Variants in RBMS3 observed in about 807,000 individuals in gnomAD.
The protein encoded by RBMS3 is RNA-binding motif, single-stranded-interacting protein 3.
Under a neutral mutation model 66.8 loss-of-function variants are expected in RBMS3, and 27 were observed. That is an observed-to-expected ratio of 0.40 (90% CI 0.30 to 0.56). The LOEUF is 0.56. Ranked by LOEUF, RBMS3 falls within the 20% of genes least tolerant of loss-of-function variation. The pLI is 0.40. For missense variants in RBMS3, 513 were observed against 549.5 expected (o/e 0.93, Z 0.66); for synonymous variants, 188 against 183.0 (o/e 1.03, Z -0.22).
At chr3:29,442,355 T>C (rs534270529) in intron 2 of RBMS3, among the ~76,000 whole-genome samples, 121 of 152,290 alleles carry the variant, frequency 7.9e-4, no homozygotes, top group African/African-American at 2.7e-3. Context: ...TTTTATTACT[T>C]TGAAGAATTT....
intron 7 of RBMS3, among the ~76,000 whole-genome samples, chr3:29,870,902 T>G (rs1239757927): frequency 6.6e-6 from 1 of 152,090 alleles, no homozygotes; most frequent in Non-Finnish European, 1.5e-5. Flanking sequence ...CCTAGAAATA[T>G]GCTTATCAAA....
chr3:29,769,396 G>A (rs771274583), intron 6 of RBMS3, among the ~76,000 whole-genome samples: 1 of 151,822 alleles, frequency 6.6e-6, no homozygotes, highest in Non-Finnish European at 1.5e-5. Context: ...ATGTAGAGGT[G>A]GACATCAAAT....
chr3:29,784,544 GA>G (rs2056753483), intron 6 of RBMS3, among the ~76,000 whole-genome samples: 2 of 152,106 alleles, frequency 1.3e-5, no homozygotes, highest in Non-Finnish European at 2.9e-5. Flanking sequence ...GTGGTGCTAA[GA>G]GGAAAGTTCA....
chr3:29,496,916 G>A (rs1339498904), intron 3 of RBMS3, among the ~76,000 whole-genome samples: 1 of 152,112 alleles, frequency 6.6e-6, no homozygotes, highest in Non-Finnish European at 1.5e-5. Flanking sequence ...CAGCATTGCT[G>A]TTTTAAGCAT....
chr3:29,871,289 A>G (rs1273384865), intron 7 of RBMS3, among the ~76,000 whole-genome samples: 1 of 152,140 alleles, frequency 6.6e-6, no homozygotes, highest in Non-Finnish European at 1.5e-5. Flanking sequence ...GGCACTACCT[A>G]CATTGTCGGG....
chr3:29,930,113 T>C (rs150960203), intron 10 of RBMS3, among the ~76,000 whole-genome samples: 652 of 28,164 alleles, frequency 0.023, 12 homozygotes, highest in African/African-American at 0.032. Context: ...TTCTTTCTTT[T>C]TTTTTTTTTT....
chr3:29,323,455 A>G (rs923698424), intron 1 of RBMS3, among the ~76,000 whole-genome samples: 1 of 152,248 alleles, frequency 6.6e-6, no homozygotes, highest in South Asian at 2.1e-4. Flanking sequence ...CAAACTTGTA[A>G]CTAGGGTAAC....
At chr3:29,534,030 T>C (rs1185721057) in intron 3 of RBMS3, among the ~76,000 whole-genome samples, 4 of 152,232 alleles carry the variant, frequency 2.6e-5, no homozygotes, top group Non-Finnish European at 5.9e-5. Context: ...AATTAAACAC[T>C]GTGACTCAAA....
chr3:29,361,525 C>A (rs762837728), intron 1 of RBMS3, among the ~76,000 whole-genome samples: 1 of 152,116 alleles, frequency 6.6e-6, no homozygotes, highest in Admixed American at 6.5e-5. Flanking sequence ...AATTATGTGT[C>A]TTGGAGTTGG....
chr3:29,333,001 TAGAA>T (rs771457748), intron 1 of RBMS3, among the ~76,000 whole-genome samples: 22 of 152,114 alleles, frequency 1.4e-4, no homozygotes, highest in Non-Finnish European at 2.8e-4. Context: ...CTATTAAATA[TAGAA>T]AAATTTCAGT....
chr3:29,330,833 G>A (rs943065995), intron 1 of RBMS3, among the ~76,000 whole-genome samples: 5 of 152,142 alleles, frequency 3.3e-5, no homozygotes, highest in South Asian at 2.1e-4. Flanking sequence ...TAGGATGGAC[G>A]TTGTCAGTCC....
chr3:29,425,613 G>C (rs2040928891), intron 1 of RBMS3, among the ~76,000 whole-genome samples: 1 of 152,024 alleles, frequency 6.6e-6, no homozygotes, highest in South Asian at 2.1e-4. Context: ...ACTCCAGCCT[G>C]GGTGACAGAG....
intron 2 of RBMS3, among the ~76,000 whole-genome samples, chr3:29,441,584 C>T (rs371654089): frequency 1.3e-5 from 2 of 152,224 alleles, no homozygotes; most frequent in African/African-American, 4.8e-5. Flanking sequence ...AGCCGATATT[C>T]GTAATCACTG....
At chr3:29,373,013 C>A (rs541310002) in intron 1 of RBMS3, among the ~76,000 whole-genome samples, 1 of 151,982 alleles carries the variant, frequency 6.6e-6, no homozygotes, top group Non-Finnish European at 1.5e-5. Flanking sequence ...ATTTTTAAAA[C>A]GAGCAGGAAA....
At chr3:29,303,547 T>C (rs2033815253) in intron 1 of RBMS3, among the ~76,000 whole-genome samples, 1 of 152,050 alleles carries the variant, frequency 6.6e-6, no homozygotes, top group African/African-American at 2.4e-5. Context: ...ATTTCCCTTT[T>C]TAACTTTTAT....
At chr3:29,930,119 T>A in intron 10 of RBMS3, among the ~76,000 whole-genome samples, 1 of 79,030 alleles carries the variant, frequency 1.3e-5, no homozygotes, top group Middle Eastern at 6.4e-3. Context: ...CTTTTTTTTT[T>A]TTTTTTTTTT....
intron 1 of RBMS3, among the ~76,000 whole-genome samples, chr3:29,430,722 A>G (rs1478918145): frequency 2.6e-5 from 4 of 152,166 alleles, no homozygotes; most frequent in Non-Finnish European, 5.9e-5. Context: ...TGGTCCTTCT[A>G]ATCTGTGATA....
At chr3:29,459,343 G>T (rs9811898) in intron 2 of RBMS3, among the ~76,000 whole-genome samples, 1 of 152,168 alleles carries the variant, frequency 6.6e-6, no homozygotes, top group Non-Finnish European at 1.5e-5. Context: ...ATCATGTAGA[G>T]CTTGACTAGC....
chr3:29,517,896 A>G (rs2044707649), intron 3 of RBMS3, among the ~76,000 whole-genome samples: 1 of 152,150 alleles, frequency 6.6e-6, no homozygotes, highest in African/African-American at 2.4e-5. Context: ...AAGTCACTGA[A>G]TTTTCTATTT....
Sources: allele counts gnomAD v4.1 joint callset (sites outside exome capture counted in the v4.1 genomes callset), GRCh38; gene constraint gnomAD v4.1.1; transcripts MANE v1.5; gene names NCBI Gene and HGNC (gene_info 2026-07-23, HGNC 2026-07-21).